Variants in GUSB observed in about 807,000 individuals in gnomAD.
GUSB encodes glucuronidase beta.
GUSB carries 51 observed loss-of-function variants against 74.6 expected under a neutral mutation model. The observed-to-expected ratio is 0.68, with a 90% CI of 0.55 to 0.86. The LOEUF (loss-of-function observed/expected upper bound fraction) is 0.86, where lower values mean the gene tolerates loss of function less well. Ranked by LOEUF, GUSB falls within the 40% of genes least tolerant of loss-of-function variation. The probability of loss-of-function intolerance (pLI) is 0.00; values close to 1 mark genes in which losing one functional copy is unlikely to be tolerated. For synonymous variants in GUSB, 360 were observed against 348.3 expected (o/e 1.03, Z -0.37); for missense variants, 736 against 853.7 (o/e 0.86, Z 1.72).
chr7:65,970,190 C>T (rs1791099256), intron 9 of GUSB, 92 bp downstream of exon 9: 3 of 795,408 alleles, frequency 3.8e-6, no homozygotes, highest in Non-Finnish European at 6.8e-6. Context: ...AGACTGGCAG[C>T]GCATGGTTCT....
chr7:65,960,827 A>C lies in GUSB; in HGVS notation c.*70T>G. 1 of 1,316,932 alleles carries C rather than the reference A, an allele frequency of 7.6e-7. No individual in the cohort carries two copies. Among genetic ancestry groups the C allele is most frequent in the Non-Finnish European group, 1.1e-6 (1 of 909,354 alleles). The allele number at this position is 1,316,932 out of a possible 1,614,324, so 81.6% of individuals were successfully genotyped here. ...GTCTGCCGTGAACAGTCCAGGAGGC[A>C]CTTGTTCTGCTGCTGTGGAAGTCGC... On this transcript the variant is annotated 3_prime_UTR_variant, in exon 12 of 12. Coordinates refer to ENST00000304895, the MANE Select transcript of GUSB (RefSeq NM_000181.4).
intron 11 of GUSB, among the ~76,000 whole-genome samples, chr7:65,962,521 T>C (rs950975610): frequency 6.6e-6 from 1 of 152,150 alleles, no homozygotes; most frequent in Non-Finnish European, 1.5e-5. Context: ...TGGACAGGCT[T>C]ATGAAAAGCT....
Position 65,962,865 on chromosome 7 carries a change from C to T in GUSB, c.1789+1458G>A, listed in dbSNP as rs568387665. The stretch of plus-strand genomic sequence containing the variant: ...CCAGCCTGGGAAACGAGCAAAACTC[C>T]GTCTCAAAAAAAAAAAAGAGTCTCA... On this transcript the variant is annotated intron_variant, in intron 11 of 11. Coordinates refer to ENST00000304895, the MANE Select transcript of GUSB (RefSeq NM_000181.4). Among the ~76,000 whole-genome samples, 38 of 134,056 alleles carry T rather than the reference C, an allele frequency of 2.8e-4. No individual in the cohort carries two copies. In the South Asian group the frequency reaches 8.1e-3, roughly 29 times the overall value. The allele number at this position is 134,056 out of a possible 152,430, so 87.9% of individuals were successfully genotyped here. A position where few individuals can be genotyped will look rare whatever the true frequency, so the allele number is the denominator to read the frequency against.
Position 65,979,763 on chromosome 7 carries a change from G to A in GUSB, c.545C>T (p.Pro182Leu), listed in dbSNP as rs756417262. The A allele has an allele frequency of 6.2e-7, 1 of 1,613,892 alleles. No individual in the cohort carries two copies. Among genetic ancestry groups the A allele is most frequent in the Admixed American group, 1.7e-5 (1 of 60,018 alleles). Residue 182 changes from proline (P) to leucine (L), a missense_variant, in exon 3 of 12, where the codon CCA becomes CTA. By Grantham distance (98) the Pro-to-Leu change is moderately conservative. Around this residue, in one of 2 missense-constraint regions of GUSB, gnomAD observed 368 missense variants for 363.8 expected, o/e 1.01. Coordinates refer to ENST00000304895, the MANE Select transcript of GUSB (RefSeq NM_000181.4). The part of the protein sequence containing the change: ...INNTLTPTTL[P>L]PGTIQYLTDT... ...AGTCAGGTATTGGATGGTCCCTGGTGGCAGGGTGGTGGGGGTGAGTGTGTT... is the reference window on the plus strand; with the variant it reads ...AGTCAGGTATTGGATGGTCCCTGGTAGCAGGGTGGTGGGGGTGAGTGTGTT...
At chr7:65,964,730 C>T (rs940073598) in intron 10 of GUSB, among the ~76,000 whole-genome samples, 3 of 152,152 alleles carry the variant, frequency 2.0e-5, no homozygotes, top group African/African-American at 7.2e-5. Context: ...TTTTCCACCT[C>T]TATCTGCTGG....
chr7:65,964,847 C>A (rs1473897815), intron 10 of GUSB, among the ~76,000 whole-genome samples: 1 of 152,022 alleles, frequency 6.6e-6, no homozygotes, highest in Middle Eastern at 3.2e-3. Context: ...GGTGGGAGGA[C>A]TGCTTGAGCC....
In GUSB at chr7:65,979,910, C is replaced by T; in HGVS notation, c.398G>A (p.Trp133Ter). 1 of 1,591,620 alleles carries T rather than the reference C, an allele frequency of 6.3e-7. No individual in the cohort carries two copies. ...IGSAHSYAIV[W>*]VNGVDTLEHE... is the part of the protein sequence containing the mutation. Reference sequence around the variant, plus strand: ...CTCTAGCGTGTCGACCCCATTCACCCACTGCAGACACAGGAGATACGGGGA... The same window carrying T: ...CTCTAGCGTGTCGACCCCATTCACCTACTGCAGACACAGGAGATACGGGGA... Residue 133 changes from tryptophan (W) to a stop codon, truncating the protein, a stop_gained and splice_region_variant, in exon 3 of 12, where the codon TGG (tryptophan) becomes TAG (stop). Transcript: ENST00000304895. LOFTEE classifies it high-confidence loss of function.
intron 4 of GUSB, 27 bp from the exon 5 acceptor site, chr7:65,976,229 T>C: frequency 6.4e-7 from 1 of 1,564,576 alleles, no homozygotes; most frequent in East Asian, 2.2e-5. Context: ...AGACCAGGGC[T>C]GAGGGAGGGA....
rs530504502 is a variant in GUSB at position 65,966,078 on chromosome 7, G to A, written c.1654-1620C>T. On this transcript the variant is annotated intron_variant, in intron 10 of 11. Transcript: ENST00000304895. ...CCAGCTACTCGGGAGGCTGAGGCATGAGAATCGCTTGAACCAGGGAGGTGG... is the reference window on the plus strand; with the variant it reads ...CCAGCTACTCGGGAGGCTGAGGCATAAGAATCGCTTGAACCAGGGAGGTGG... Among the ~76,000 whole-genome samples the A allele has an allele frequency of 2.6e-5, 4 of 152,140 alleles. No individual in the cohort carries two copies. In the East Asian group the frequency reaches 7.8e-4, roughly 30 times the overall value.
At chr7:65,979,656 G>A (rs1791850659) in intron 3 of GUSB, 71 bp downstream of exon 3, 3 of 1,587,482 alleles carry the variant, frequency 1.9e-6, no homozygotes, top group South Asian at 2.2e-5. Flanking sequence ...AGGCCACCCA[G>A]TCCCTACCAG....
intron 8 of GUSB, among the ~76,000 whole-genome samples, chr7:65,972,829 C>G (rs1384347973): frequency 6.6e-6 from 1 of 152,188 alleles, no homozygotes; most frequent in African/African-American, 2.4e-5. Flanking sequence ...GAGCACACCC[C>G]TGTGCCCCCA....
chr7:65,975,857 A>T, intron 5 of GUSB, 158 bp downstream of exon 5: 1 of 613,862 alleles, frequency 1.6e-6, no homozygotes, highest in Non-Finnish European at 2.8e-6. Context: ...TCAAAAAAAA[A>T]AAAAAAAAAG....
chr7:65,967,653 G>A, intron 10 of GUSB, 78 bp downstream of exon 10: 2 of 1,199,072 alleles, frequency 1.7e-6, no homozygotes, highest in South Asian at 1.2e-5. Flanking sequence ...AGTGCAGTGG[G>A]CGCAGGTCAG....
intron 8 of GUSB, among the ~76,000 whole-genome samples, chr7:65,972,377 C>G (rs544261881): frequency 9.2e-5 from 14 of 152,206 alleles, no homozygotes; most frequent in Admixed American, 7.9e-4. Context: ...TTGGCCACGC[C>G]GGTCTCAAAC....
intron 8 of GUSB, among the ~76,000 whole-genome samples, chr7:65,972,677 C>T (rs1791293132): frequency 6.6e-6 from 1 of 152,144 alleles, no homozygotes; most frequent in African/African-American, 2.4e-5. Context: ...TGAACCTCTC[C>T]AGCCTGGGTG....
chr7:65,961,162 C>CT lies in GUSB; in HGVS notation c.1790-100dup, dbSNP rs1219469323. 1,024 of 1,150,490 alleles carry CT rather than the reference C, an allele frequency of 8.9e-4. 1 individual carries two copies. Among genetic ancestry groups the CT allele is most frequent in the Non-Finnish European group, 1.0e-3 (806 of 780,540 alleles). The allele number at this position is 1,150,490 out of a possible 1,614,324, so 71.3% of individuals were successfully genotyped here. ...TAAGGTAGGCACTAAATAGAAATGT[C>CT]TTTTTTTTTCTTTTTTCTCCCTGTT... On this transcript the variant is annotated intron_variant, in intron 11 of 11. Coordinates refer to ENST00000304895, the MANE Select transcript of GUSB (RefSeq NM_000181.4).
chr7:65,960,783 C>T lies in GUSB; in HGVS notation c.*114G>A, dbSNP rs2115795391. The stretch of plus-strand genomic sequence containing the variant: ...CTGCTAGAATAGATGACCACAAAAC[C>T]CAGGCCAGAAACGTTCTGGTCTGCC... On this transcript the variant is annotated 3_prime_UTR_variant, in exon 12 of 12. Coordinates refer to ENST00000304895, the MANE Select transcript of GUSB (RefSeq NM_000181.4). 1.2e-6 allele frequency: 1 copy of T among 864,914 alleles called. No homozygotes were observed. The highest frequency in any genetic ancestry group is 2.0e-6 in the Non-Finnish European group (1 of 501,800). The allele number at this position is 864,914 out of a possible 1,614,324, so 53.6% of individuals were successfully genotyped here.
rs906915011 is a variant in GUSB at position 65,979,409 on chromosome 7, C to A, written c.714G>T (p.Glu238Asp). Residue 238 changes from glutamate (E) to aspartate (D), a missense_variant, in exon 4 of 12, where the codon GAG becomes GAT. Around this residue, in one of 2 missense-constraint regions of GUSB, gnomAD observed 368 missense variants for 363.8 expected, o/e 1.01. Coordinates refer to ENST00000304895, the MANE Select transcript of GUSB (RefSeq NM_000181.4). ...ACCAGAAGCCCTCACCACTGTCTTG[C>A]TCCACGCTGGTGGTGACGGTGATGT... Reference protein sequence around the residue: ...IDDITVTTSVEQDSGLVNYQI... With the variant: ...IDDITVTTSVDQDSGLVNYQI... 1 of 1,613,564 alleles carries A rather than the reference C, an allele frequency of 6.2e-7. No individual in the cohort carries two copies. The highest frequency in any genetic ancestry group is 1.3e-5 in the African/African-American group (1 of 74,924).
At chr7:65,973,857 G>T (rs1791379461) in intron 8 of GUSB, among the ~76,000 whole-genome samples, 1 of 152,074 alleles carries the variant, frequency 6.6e-6, no homozygotes, top group Admixed American at 6.6e-5. Flanking sequence ...CCTGAGCCTG[G>T]GAAGTCAAGG....
Sources: allele counts gnomAD v4.1 joint callset (sites outside exome capture counted in the v4.1 genomes callset), GRCh38; gene constraint gnomAD v4.1.1; regional missense constraint gnomAD v4.1.1; transcripts MANE v1.5; gene names NCBI Gene and HGNC (gene_info 2026-07-23, HGNC 2026-07-21).